The following KLRD1 variants were observed in gnomAD, a reference collection of about 807,000 sequenced individuals.
KLRD1 encodes the protein killer cell lectin like receptor D1.
KLRD1 carries 21 observed loss-of-function variants against 22.6 expected under a neutral mutation model. The observed-to-expected ratio is 0.93, with a 90% confidence interval of 0.66 to 1.34. KLRD1 has a LOEUF of 1.34. Among genes scored for constraint, KLRD1 ranks in the 40% most tolerant of loss-of-function variants. The pLI is 0.00. For synonymous variants in KLRD1, 59 were observed against 71.1 expected (o/e 0.83, Z 0.85); for missense variants, 183 against 208.6 (o/e 0.88, Z 0.76).
intron 1 of KLRD1, among the ~76,000 whole-genome samples, chr12:10,293,626 T>G (rs937849056): frequency 2.0e-5 from 3 of 152,178 alleles, no homozygotes; most frequent in Non-Finnish European, 4.4e-5. Flanking sequence ...GCAATAATAG[T>G]AAAAAAGTTT....
In KLRD1 at chr12:10,256,513, T is replaced by C. The variant is rs527919699; in HGVS notation, c.-101+30280T>C. ...TCTATAATTTGTGTTAACTTAAAGATTATTTATAATATTTAAAATTTTTAA... is the reference window on the plus strand; with the variant it reads ...TCTATAATTTGTGTTAACTTAAAGACTATTTATAATATTTAAAATTTTTAA... On this transcript the variant is annotated intron_variant, in intron 1 of 5. Coordinates refer to the KLRD1 transcript ENST00000544747. 2.8e-3 allele frequency among the ~76,000 whole-genome samples: 424 copies of C among 151,324 alleles called. 4 individuals are homozygous for C. The highest frequency in any genetic ancestry group is 1.0e-2 in the African/African-American group (411 of 41,164).
chr12:10,285,324 T>C (rs1010647174), intron 1 of KLRD1, among the ~76,000 whole-genome samples: 7 of 152,238 alleles, frequency 4.6e-5, no homozygotes, highest in African/African-American at 1.7e-4. Flanking sequence ...AAACAGTCTG[T>C]AAAACCACAG....
rs1442190091 is a variant in KLRD1 at position 10,326,413 on chromosome 12, G to A, written c.*11620G>A. 6.6e-6 allele frequency: 1 copy of A among 152,242 alleles called. No individual in the cohort carries two copies. The highest frequency in any genetic ancestry group is 1.9e-4 in the East Asian group (1 of 5,196). The allele number at this position is 152,242 out of a possible 1,614,324, so 9.4% of individuals were successfully genotyped here. A position where few individuals can be genotyped will look rare whatever the true frequency, so the allele number is the denominator to read the frequency against. The stretch of plus-strand genomic sequence containing the variant: ...GTCCTGCTGACATGTGCCCAAGGTG[G>A]TCAGGGCACAGTTTGGTTTTATACA... On this transcript the variant is annotated 3_prime_UTR_variant, in exon 6 of 6. Transcript: ENST00000336164.
At chr12:10,295,024 A>G (rs1388147006) in intron 1 of KLRD1, among the ~76,000 whole-genome samples, 1 of 152,188 alleles carries the variant, frequency 6.6e-6, no homozygotes, top group East Asian at 1.9e-4. Context: ...GATTCTGGAA[A>G]TGTTCTATTT....
At position 10,295,963 on chromosome 12, in the gene KLRD1, A is replaced by G. The variant is rs1209408312; in HGVS notation, c.-100-12015A>G. 4.6e-5 allele frequency among the ~76,000 whole-genome samples: 7 copies of G among 152,340 alleles called. No homozygotes were observed. The East Asian group carries it at 1.2e-3, about 25-fold the overall frequency. The stretch of plus-strand genomic sequence containing the variant: ...TATCAATTGTTTTAGTCAATGACCA[A>G]TTAAACTGCTTTGAATCATAAGAAT... On this transcript the variant is annotated intron_variant, in intron 1 of 5. Transcript: ENST00000544747.
chr12:10,269,370 C>T (rs949952290), intron 1 of KLRD1, among the ~76,000 whole-genome samples: 4 of 152,108 alleles, frequency 2.6e-5, no homozygotes, highest in African/African-American at 7.2e-5. Context: ...AGACTGGTCT[C>T]AAACTCCTGA....
At position 10,326,777 on chromosome 12, in the gene KLRD1, A is replaced by G. The variant is rs1950365540; in HGVS notation, c.*11984A>G. 1 of 152,260 alleles carries G rather than the reference A, an allele frequency of 6.6e-6. No individual in the cohort carries two copies. The highest frequency in any genetic ancestry group is 2.1e-4 in the South Asian group (1 of 4,836). The allele number at this position is 152,260 out of a possible 1,614,324, so 9.4% of individuals were successfully genotyped here. ...TACGTATTTATCTCAGTGAGCAAAG[A>G]GATGACTTTGAATAGAATGGGAGGC... On this transcript the variant is annotated 3_prime_UTR_variant, in exon 6 of 6. Transcript: ENST00000336164.
intron 1 of KLRD1, among the ~76,000 whole-genome samples, chr12:10,288,513 T>C (rs942389258): frequency 3.3e-5 from 5 of 152,194 alleles, no homozygotes; most frequent in African/African-American, 1.2e-4. Context: ...CAAAGGTTAG[T>C]GAGACTCAGC....
At chr12:10,245,158 G>A (rs1949279229) in intron 1 of KLRD1, among the ~76,000 whole-genome samples, 2 of 152,074 alleles carry the variant, frequency 1.3e-5, no homozygotes, top group African/African-American at 4.8e-5. Context: ...ACGAGTTCAA[G>A]ACCAGCCTGG....
At chr12:10,298,630 C>G (rs1414242486) in intron 1 of KLRD1, among the ~76,000 whole-genome samples, 1 of 152,226 alleles carries the variant, frequency 6.6e-6, no homozygotes, top group East Asian at 1.9e-4. Flanking sequence ...GAATACCTGG[C>G]CCACCCAGGG....
intron 1 of KLRD1, among the ~76,000 whole-genome samples, chr12:10,259,791 C>A (rs551757567): frequency 6.6e-6 from 1 of 152,230 alleles, no homozygotes. Context: ...CATGGTGAAA[C>A]CCTGTCTTTA....
intron 1 of KLRD1, among the ~76,000 whole-genome samples, chr12:10,266,261 A>T (rs560461064): frequency 1.3e-5 from 2 of 152,306 alleles, no homozygotes; most frequent in East Asian, 3.9e-4. Context: ...AAATATAAGT[A>T]AAATATAACT....
intron 1 of KLRD1, among the ~76,000 whole-genome samples, chr12:10,265,219 T>G (rs11053719): frequency 0.8 from 122,028 of 151,802 alleles, 53,561 homozygotes; most frequent in Non-Finnish European, 0.98. Context: ...GGAACTTATT[T>G]TATCATATTA....
intron 1 of KLRD1, among the ~76,000 whole-genome samples, chr12:10,246,666 T>C (rs1358542299): frequency 6.6e-6 from 1 of 152,148 alleles, no homozygotes; most frequent in Non-Finnish European, 1.5e-5. Flanking sequence ...ACCATAAAAC[T>C]ATTGACCAAA....
At chr12:10,278,650 CACTT>C (rs1288696128) in intron 1 of KLRD1, among the ~76,000 whole-genome samples, 1 of 152,184 alleles carries the variant, frequency 6.6e-6, no homozygotes, top group Non-Finnish European at 1.5e-5. Context: ...GATTTAAAAA[CACTT>C]ACTGCTATTT....
Position 10,323,108 on chromosome 12 carries a change from G to C in KLRD1, c.*8315G>C, listed in dbSNP as rs1170607309. 1 of 152,152 alleles carries C rather than the reference G, an allele frequency of 6.6e-6. No homozygotes were observed. Among genetic ancestry groups the C allele is most frequent in the Admixed American group, 6.5e-5 (1 of 15,276 alleles). The allele number at this position is 152,152 out of a possible 1,614,324, so 9.4% of individuals were successfully genotyped here. ...TCATTTCCACTTTTCACTATTATGA[G>C]TAAAATTGCTATAAACATTTTAATA... On this transcript the variant is annotated 3_prime_UTR_variant, in exon 6 of 6. Transcript: ENST00000336164.
intron 1 of KLRD1, among the ~76,000 whole-genome samples, chr12:10,288,232 G>C (rs1949728705): frequency 7.1e-6 from 1 of 141,016 alleles, no homozygotes; most frequent in Non-Finnish European, 1.5e-5. Context: ...AACAGAGCGA[G>C]ACTCCGTCTC....
intron 1 of KLRD1, among the ~76,000 whole-genome samples, chr12:10,281,914 T>A (rs1949647631): frequency 6.6e-6 from 1 of 152,156 alleles, no homozygotes; most frequent in African/African-American, 2.4e-5. Context: ...ACGGCAGTAT[T>A]TGAATTATTC....
chr12:10,270,633 G>C (rs563630128), intron 1 of KLRD1, among the ~76,000 whole-genome samples: 1 of 152,132 alleles, frequency 6.6e-6, no homozygotes, highest in East Asian at 1.9e-4. Flanking sequence ...TTATTTTGCA[G>C]ATTTAGGTGC....
Sources: allele counts gnomAD v4.1 joint callset (sites outside exome capture counted in the v4.1 genomes callset), GRCh38; gene constraint gnomAD v4.1.1; transcripts MANE v1.5; gene names NCBI Gene and HGNC (gene_info 2026-07-23, HGNC 2026-07-21).